ZC3H3: variants seen among roughly 807,000 people sequenced by gnomAD.
The protein encoded by ZC3H3 is zinc finger CCCH-type containing 3.
In ZC3H3, 36 loss-of-function variants were observed where a neutral mutation model predicts 77.3. The ratio of observed to expected loss-of-function variants is 0.47; its 90% CI spans 0.36 to 0.61. ZC3H3 has a LOEUF of 0.61. Among genes scored for constraint, ZC3H3 ranks in the 20% least tolerant of loss-of-function variants. The pLI, the probability that ZC3H3 is intolerant of heterozygous loss-of-function variation, is 0.00. For synonymous variants in ZC3H3, 626 were observed against 555.2 expected (o/e 1.13, Z -1.79); for missense variants, 1,331 against 1,312.2 (o/e 1.01, Z -0.22).
At chr8:143,537,335 A>C (rs1291691692) in intron 2 of ZC3H3, among the ~76,000 whole-genome samples, 1 of 152,184 alleles carries the variant, frequency 6.6e-6, no homozygotes, top group Non-Finnish European at 1.5e-5. Context: ...CTGCAGCCTC[A>C]ACACTCCGCA....
At chr8:143,496,408 G>A (rs968130434) in intron 4 of ZC3H3, among the ~76,000 whole-genome samples, 1 of 152,216 alleles carries the variant, frequency 6.6e-6, no homozygotes, top group African/African-American at 2.4e-5. Context: ...CGTGCAGAAC[G>A]TGATGACGTG....
intron 3 of ZC3H3, among the ~76,000 whole-genome samples, chr8:143,522,612 A>C (rs1265196533): frequency 6.8e-6 from 1 of 146,532 alleles, no homozygotes; most frequent in Admixed American, 7.0e-5. Flanking sequence ...GTCTTAAAAA[A>C]AAACACACAC....
rs769302732 is a variant in ZC3H3 at position 143,538,576 on chromosome 8, C to T, written c.791G>A (p.Arg264Lys). Residue 264 changes from arginine to lysine, a missense_variant, in exon 2 of 12, where the codon AGA (arginine) becomes AAA (lysine). Transcript: ENST00000262577. ...SCAPQLLGDR[R>K]VDAGHTDQPV... is the part of the protein sequence containing the mutation. Reference sequence around the variant, plus strand: ...CTGATCTGTGTGGCCAGCATCTACTCTCCTGTCCCCAAGGAGCTGTGGAGC... The same window carrying T: ...CTGATCTGTGTGGCCAGCATCTACTTTCCTGTCCCCAAGGAGCTGTGGAGC... 8 of 1,610,952 alleles carry T rather than the reference C, an allele frequency of 5.0e-6. No individual in the cohort carries two copies. The highest frequency in any genetic ancestry group is 8.5e-7 in the Non-Finnish European group (1 of 1,180,006).
chr8:143,503,515 C>G, intron 4 of ZC3H3, among the ~76,000 whole-genome samples: 1 of 144,514 alleles, frequency 6.9e-6, no homozygotes, highest in East Asian at 2.0e-4. Context: ...CCCCCAGCAC[C>G]CAGCCATCCC....
intron 11 of ZC3H3, 121 bp downstream of exon 11, chr8:143,439,920 A>G (rs62521894): frequency 0.022 from 5,764 of 266,956 alleles, 651 homozygotes; most frequent in African/African-American, 0.17. Flanking sequence ...GAGCCAGGCC[A>G]TGCTGCCTAC....
chr8:143,466,083 G>A (rs934475771), intron 8 of ZC3H3, among the ~76,000 whole-genome samples: 48 of 152,326 alleles, frequency 3.2e-4, no homozygotes, highest in African/African-American at 1.1e-3. Context: ...GAGGCATGGA[G>A]CAGCCCTGTA....
At chr8:143,523,971 A>G (rs892151631) in intron 3 of ZC3H3, among the ~76,000 whole-genome samples, 2 of 152,226 alleles carry the variant, frequency 1.3e-5, no homozygotes, top group Admixed American at 1.3e-4. Context: ...CCCCCGGGGC[A>G]GCCTGGATGC....
chr8:143,538,825 C>T lies in ZC3H3; in HGVS notation c.542G>A (p.Gly181Glu). 4.3e-6 allele frequency: 7 copies of T among 1,612,282 alleles called. No homozygotes were observed. The highest frequency in any genetic ancestry group is 5.9e-6 in the Non-Finnish European group (7 of 1,179,694). The change falls in exon 2 of 12, where the codon GGG (glycine) becomes GAG (glutamate). Residue 181 changes from glycine (G) to glutamate (E), a missense_variant. Physicochemically the swap from Gly to Glu is moderately conservative, Grantham distance 98. Around this residue, in one of 3 missense-constraint regions of ZC3H3, gnomAD observed 978 missense variants for 915.5 expected, o/e 1.07. Transcript: ENST00000262577. ...AAGAGGATCTTCCACACTGCAGGTC[C>T]CCCTGGCTCTTGTTGGCCTCGAGGG... Reference protein sequence around the residue: ...LQPSRPTRARGTCSVEDPLLV... With the variant: ...LQPSRPTRARETCSVEDPLLV...
chr8:143,496,322 C>T (rs1821350229), intron 4 of ZC3H3, among the ~76,000 whole-genome samples: 1 of 152,172 alleles, frequency 6.6e-6, no homozygotes, highest in African/African-American at 2.4e-5. Flanking sequence ...CATGGAGGGC[C>T]GAGAGCCACT....
chr8:143,464,443 G>T (rs1586889451), intron 9 of ZC3H3, among the ~76,000 whole-genome samples: 1 of 152,332 alleles, frequency 6.6e-6, no homozygotes, highest in Middle Eastern at 3.4e-3. Context: ...CCCGGCAGCA[G>T]GGGCTGCAGG....
intron 3 of ZC3H3, among the ~76,000 whole-genome samples, chr8:143,517,004 C>T (rs1822077694): frequency 6.6e-6 from 1 of 152,182 alleles, no homozygotes; most frequent in Non-Finnish European, 1.5e-5. Context: ...TTCCACACTA[C>T]CTGGTGTTTA....
chr8:143,525,887 C>T (rs953391020), intron 3 of ZC3H3, among the ~76,000 whole-genome samples: 1 of 152,266 alleles, frequency 6.6e-6, no homozygotes, highest in Admixed American at 6.5e-5. Flanking sequence ...GAGGCCTCCC[C>T]ACCCAGCTGG....
At chr8:143,456,696 T>C (rs572861055) in intron 9 of ZC3H3, among the ~76,000 whole-genome samples, 1 of 152,178 alleles carries the variant, frequency 6.6e-6, no homozygotes, top group African/African-American at 2.4e-5. Flanking sequence ...CAAGACCCTA[T>C]CTCTACAAAA....
At chr8:143,526,021 TG>T (rs954655661) in intron 3 of ZC3H3, among the ~76,000 whole-genome samples, 4 of 152,158 alleles carry the variant, frequency 2.6e-5, no homozygotes, top group Non-Finnish European at 4.4e-5. Context: ...GCTGACGATG[TG>T]GGGGGCCTGG....
intron 9 of ZC3H3, among the ~76,000 whole-genome samples, chr8:143,444,414 G>A (rs778629886): frequency 4.6e-5 from 7 of 152,126 alleles, no homozygotes; most frequent in South Asian, 2.1e-4. Context: ...AGGACTATAT[G>A]AGAAAAAAAC....
Position 143,440,434 on chromosome 8 carries a change from G to A in ZC3H3, c.2493-71C>T. The A allele has an allele frequency of 4.8e-6, 7 of 1,472,580 alleles. No homozygotes were observed. The East Asian group carries it at 1.6e-4, about 34-fold the overall frequency. The allele number at this position is 1,472,580 out of a possible 1,614,324, so 91.2% of individuals were successfully genotyped here. A position where few individuals can be genotyped will look rare whatever the true frequency, so the allele number is the denominator to read the frequency against. ...GGGATCCCAGCGACAGACTGCCCAT[G>A]CTCTTGGCTGCTTCCTGCTCCCGTG... On this transcript the variant is annotated intron_variant, in intron 10 of 11. Transcript: ENST00000262577.
rs145259614 is a variant in ZC3H3, at chr8:143,537,900, G to A, written c.1364+103C>T. The stretch of plus-strand genomic sequence containing the variant: ...CTCATTTCTTGCTGGAAATGTGAAC[G>A]CAACTGCAGGCAAAGCTCCGAGCTC... On this transcript the variant is annotated intron_variant, in intron 2 of 11. Transcript: ENST00000262577. 74 of 1,176,214 alleles carry A rather than the reference G, an allele frequency of 6.3e-5. 1 individual carries two copies. The highest frequency in any genetic ancestry group is 3.4e-4 in the African/African-American group (22 of 65,432). 72.9% of individuals were successfully genotyped at this position (1,176,214 alleles called of 1,614,324 possible). A position where few individuals can be genotyped will look rare whatever the true frequency, so the allele number is the denominator to read the frequency against.
intron 5 of ZC3H3, among the ~76,000 whole-genome samples, chr8:143,470,591 G>A (rs566388541): frequency 3.1e-4 from 47 of 152,288 alleles, no homozygotes; most frequent in Middle Eastern, 6.8e-3. Flanking sequence ...CCAGTCTCTC[G>A]CCCAGGCTGC....
At position 143,516,572 on chromosome 8, in the gene ZC3H3, C is replaced by T. The variant is rs540873167; in HGVS notation, c.1562-8673G>A. On this transcript the variant is annotated intron_variant, in intron 3 of 11. Transcript: ENST00000262577. The stretch of plus-strand genomic sequence containing the variant: ...ACACACACACACACACACACATACA[C>T]ACACACACTCACTCTCATGCACATG... 7.1e-3 allele frequency among the ~76,000 whole-genome samples: 1,050 copies of T among 148,626 alleles called. 10 individuals are homozygous for T. Among genetic ancestry groups the T allele is most frequent in the Non-Finnish European group, 0.011 (744 of 67,314 alleles).
Sources: allele counts gnomAD v4.1 joint callset (sites outside exome capture counted in the v4.1 genomes callset), GRCh38; gene constraint gnomAD v4.1.1; regional missense constraint gnomAD v4.1.1; transcripts MANE v1.5; gene names NCBI Gene and HGNC (gene_info 2026-07-23, HGNC 2026-07-21).